AJAP1: variants seen among roughly 807,000 people sequenced by gnomAD.
AJAP1 encodes adherens junction-associated protein 1.
A neutral mutation model predicts 35.0 loss-of-function variants in AJAP1; 5 were observed. The ratio of observed to expected loss-of-function variants is 0.14; its 90% CI spans 0.07 to 0.30. The LOEUF (loss-of-function observed/expected upper bound fraction) is 0.30. Ranked by LOEUF, AJAP1 falls within the 10% of genes least tolerant of loss-of-function variation. The pLI is 1.00. For missense variants in AJAP1, 586 were observed against 571.0 expected (o/e 1.03, Z -0.27); for synonymous variants, 284 against 249.3 (o/e 1.14, Z -1.31).
chr1:4,781,821 ACT>A (rs1162181169), intron 5 of AJAP1, among the ~76,000 whole-genome samples: 1 of 152,070 alleles, frequency 6.6e-6, no homozygotes, highest in East Asian at 1.9e-4. Flanking sequence ...GGGGGCTCTC[ACT>A]CAGCCAGGGA....
At chr1:4,757,987 G>A (rs531817851) in intron 2 of AJAP1, among the ~76,000 whole-genome samples, 2 of 152,214 alleles carry the variant, frequency 1.3e-5, no homozygotes, top group African/African-American at 4.8e-5. Flanking sequence ...CTGTTTCTGT[G>A]ATAATGAGTG....
chr1:4,670,336 G>A (rs551796795), intron 1 of AJAP1, among the ~76,000 whole-genome samples: 3 of 152,310 alleles, frequency 2.0e-5, no homozygotes, highest in Non-Finnish European at 4.4e-5. Context: ...TTTGGGAGTG[G>A]ATTAAAGCAA....
At chr1:4,741,865 T>C (rs1463577177) in intron 2 of AJAP1, among the ~76,000 whole-genome samples, 1 of 152,170 alleles carries the variant, frequency 6.6e-6, no homozygotes, top group African/African-American at 2.4e-5. Context: ...GATGGGCACC[T>C]GTCTAAAAGA....
intron 1 of AJAP1, among the ~76,000 whole-genome samples, chr1:4,683,820 A>G (rs1271068937): frequency 6.6e-6 from 1 of 152,196 alleles, no homozygotes; most frequent in Non-Finnish European, 1.5e-5. Context: ...CACTGTCCCC[A>G]GAGAGGCCAG....
intron 1 of AJAP1, among the ~76,000 whole-genome samples, chr1:4,682,509 G>A (rs1639505562): frequency 1.3e-5 from 2 of 152,150 alleles, no homozygotes; most frequent in Non-Finnish European, 2.9e-5. Context: ...GTCCCCATCT[G>A]TGCTCTGTGG....
At chr1:4,772,014 C>T (rs1249024031) in intron 3 of AJAP1, among the ~76,000 whole-genome samples, 1 of 152,000 alleles carries the variant, frequency 6.6e-6, no homozygotes, top group Non-Finnish European at 1.5e-5. Context: ...CCTAGCTCTG[C>T]GATCACACAG....
rs1258667645 is a variant in AJAP1 at position 4,723,555 on chromosome 1, G to T, written c.829+10856G>T. On this transcript the variant is annotated intron_variant, in intron 2 of 5. Coordinates refer to ENST00000378191, the MANE Select transcript of AJAP1 (RefSeq NM_018836.4). The surrounding 1 kb of genome is among the most constrained non-coding windows in gnomAD (Gnocchi z 4.3). Reference sequence around the variant, plus strand: ...AGAGCATGGAGGGGTCCTCGTGGCGGAGCTCCCAGAGACATGAAAGAGGCC... The same window carrying T: ...AGAGCATGGAGGGGTCCTCGTGGCGTAGCTCCCAGAGACATGAAAGAGGCC... 1.3e-5 allele frequency among the ~76,000 whole-genome samples: 2 copies of T among 152,174 alleles called. No individual in the cohort carries two copies. The highest frequency in any genetic ancestry group is 2.9e-5 in the Non-Finnish European group (2 of 68,042).
chr1:4,682,148 C>T (rs1318948637), intron 1 of AJAP1, among the ~76,000 whole-genome samples: 1 of 152,170 alleles, frequency 6.6e-6, no homozygotes, highest in Non-Finnish European at 1.5e-5. Context: ...CATCAAATTT[C>T]CCAACTTCAG....
At chr1:4,673,686 C>A (rs1314104567) in intron 1 of AJAP1, among the ~76,000 whole-genome samples, 2 of 152,178 alleles carry the variant, frequency 1.3e-5, no homozygotes, top group Admixed American at 1.3e-4. Context: ...GCAGCCTTCC[C>A]AGGGCATGTC....
At chr1:4,781,016 C>A (rs1156732951) in intron 5 of AJAP1, among the ~76,000 whole-genome samples, 2 of 152,078 alleles carry the variant, frequency 1.3e-5, no homozygotes, top group Non-Finnish European at 2.9e-5. Context: ...GCAGAGGGGT[C>A]CAGGGAAAGA....
At chr1:4,695,017 G>A (rs955708954) in intron 1 of AJAP1, among the ~76,000 whole-genome samples, 4 of 150,974 alleles carry the variant, frequency 2.6e-5, no homozygotes, top group African/African-American at 9.8e-5. Flanking sequence ...GGAGTGGACG[G>A]ACCCAAGGCT....
chr1:4,718,195 GC>G (rs1440466557), intron 2 of AJAP1, among the ~76,000 whole-genome samples: 1 of 152,116 alleles, frequency 6.6e-6, no homozygotes, highest in Non-Finnish European at 1.5e-5. Context: ...GACCCAATCA[GC>G]CTGTTAGAGC....
At chr1:4,735,057 G>A (rs1283638115) in intron 2 of AJAP1, among the ~76,000 whole-genome samples, 1 of 152,226 alleles carries the variant, frequency 6.6e-6, no homozygotes, top group African/African-American at 2.4e-5. Flanking sequence ...AGCTCCGCGT[G>A]CTTGGCGACC....
At chr1:4,773,545 G>T (rs874668) in intron 4 of AJAP1, among the ~76,000 whole-genome samples, 1 of 152,150 alleles carries the variant, frequency 6.6e-6, no homozygotes, top group Non-Finnish European at 1.5e-5. Context: ...TGTCTTAGAC[G>T]TTCCCTTCCC....
intron 3 of AJAP1, among the ~76,000 whole-genome samples, chr1:4,770,348 G>T (rs1641807738): frequency 6.6e-6 from 1 of 152,186 alleles, no homozygotes; most frequent in African/African-American, 2.4e-5. Flanking sequence ...CTCAGGCTTG[G>T]TGGCCGGTTG....
intron 1 of AJAP1, among the ~76,000 whole-genome samples, chr1:4,698,021 C>T (rs527238301): frequency 1.4e-4 from 21 of 152,360 alleles, no homozygotes; most frequent in African/African-American, 4.8e-4. Flanking sequence ...GCAGTCATCG[C>T]GGCATCTCCT....
rs534004836 is a variant in AJAP1, at chr1:4,713,007, T to A, written c.829+308T>A. ...GTGCTGCAGCCCTGTTACAGACCGG[T>A]GGAATCCACCACACACAGCCACGCC... On this transcript the variant is annotated intron_variant, in intron 2 of 5. Coordinates refer to ENST00000378191, the MANE Select transcript of AJAP1 (RefSeq NM_018836.4). Among the ~76,000 whole-genome samples, 3 of 152,208 alleles carry A rather than the reference T, an allele frequency of 2.0e-5. No homozygotes were observed. The East Asian group carries it at 5.8e-4, about 30-fold the overall frequency.
intron 1 of AJAP1, among the ~76,000 whole-genome samples, chr1:4,698,462 T>G (rs1458618328): frequency 1.3e-5 from 2 of 152,170 alleles, no homozygotes; most frequent in African/African-American, 4.8e-5. Flanking sequence ...ACTTCTGAGG[T>G]CTCCACATCA....
chr1:4,713,994 A>G (rs993235997), intron 2 of AJAP1, among the ~76,000 whole-genome samples: 6 of 152,098 alleles, frequency 3.9e-5, no homozygotes, highest in Non-Finnish European at 8.8e-5. Context: ...GTTCCTCCTC[A>G]TCTTGGGCAG....
Sources: gnomAD v4.1 joint callset for allele counts (sites outside exome capture counted in the v4.1 genomes callset) on GRCh38, gnomAD v4.1.1 for gene constraint, Gnocchi (gnomAD v3.1) non-coding constraint, MANE v1.5 for transcripts, NCBI Gene and HGNC (gene_info 2026-07-23, HGNC 2026-07-21) for gene names.